NR3C2: variants seen among roughly 807,000 people sequenced by gnomAD.
NR3C2 encodes the protein mineralocorticoid receptor.
A neutral mutation model predicts 86.4 loss-of-function variants in NR3C2; 15 were observed. The observed-to-expected ratio is 0.17, with a 90% CI of 0.12 to 0.27. The LOEUF (loss-of-function observed/expected upper bound fraction) is 0.27. Ranked by LOEUF, NR3C2 falls within the 10% of genes least tolerant of loss-of-function variation. NR3C2 has a pLI of 1.00. For synonymous variants in NR3C2, 458 were observed against 450.5 expected, an observed-to-expected ratio of 1.02 and a Z score of -0.21; for missense variants, 960 against 1,195.6, an observed-to-expected ratio of 0.80 and a Z score of 2.91.
At chr4:148,281,576 C>T (rs1428236514) in intron 2 of NR3C2, among the ~76,000 whole-genome samples, 1 of 152,176 alleles carries the variant, frequency 6.6e-6, no homozygotes, top group South Asian at 2.1e-4. Context: ...CTAAGATATA[C>T]CCTGTACTTT....
chr4:148,239,136 G>C (rs1738890169), intron 3 of NR3C2, among the ~76,000 whole-genome samples: 1 of 152,224 alleles, frequency 6.6e-6, no homozygotes, highest in African/African-American at 2.4e-5. Context: ...TGATGCTGAA[G>C]TATTCTGAGG....
At chr4:148,145,611 A>G (rs1002754338) in intron 6 of NR3C2, among the ~76,000 whole-genome samples, 1 of 152,182 alleles carries the variant, frequency 6.6e-6, no homozygotes, top group African/African-American at 2.4e-5. Context: ...GCAGACCCAG[A>G]CAGATTCCCC....
At chr4:148,132,055 C>T (rs920137685) in intron 6 of NR3C2, among the ~76,000 whole-genome samples, 1 of 152,148 alleles carries the variant, frequency 6.6e-6, no homozygotes, top group African/African-American at 2.4e-5. Flanking sequence ...TTCCTTTATA[C>T]AGTAGTTTTT....
chr4:148,129,725 A>T lies in NR3C2; in HGVS notation c.2511-9437T>A, dbSNP rs867064675. On this transcript the variant is annotated intron_variant, in intron 6 of 8. Transcript: ENST00000358102. ...ATTCTTCCACCTCAGCCTCTCAAGTAGTTGGGATTACAGGCGCGTGCCACC... is the reference window on the plus strand; with the variant it reads ...ATTCTTCCACCTCAGCCTCTCAAGTTGTTGGGATTACAGGCGCGTGCCACC... Among the ~76,000 whole-genome samples, 4 of 152,122 alleles carry T rather than the reference A, an allele frequency of 2.6e-5. No homozygotes were observed. In the South Asian group the frequency reaches 6.2e-4, roughly 24 times the overall value.
chr4:148,100,465 G>T (rs1052024370), intron 8 of NR3C2, among the ~76,000 whole-genome samples: 2 of 152,176 alleles, frequency 1.3e-5, no homozygotes, highest in Non-Finnish European at 2.9e-5. Context: ...TTAGCGCCTG[G>T]AAAGGTATTC....
At chr4:148,139,702 T>C (rs1469988848) in intron 6 of NR3C2, among the ~76,000 whole-genome samples, 1 of 152,218 alleles carries the variant, frequency 6.6e-6, no homozygotes, top group Non-Finnish European at 1.5e-5. Flanking sequence ...AAGTGCACAG[T>C]GCGCTTTAAT....
intron 2 of NR3C2, among the ~76,000 whole-genome samples, chr4:148,392,307 T>G (rs750664354): frequency 2.0e-5 from 3 of 152,230 alleles, no homozygotes; most frequent in Non-Finnish European, 4.4e-5. Context: ...ATGAATGTCC[T>G]AAAATATGAA....
intron 2 of NR3C2, among the ~76,000 whole-genome samples, chr4:148,384,236 A>T (rs1747152806): frequency 6.6e-6 from 1 of 151,978 alleles, no homozygotes; most frequent in Non-Finnish European, 1.5e-5. Flanking sequence ...AGGAACTAAA[A>T]TTTTCTTCAA....
chr4:148,101,043 G>C (rs1223970685), intron 8 of NR3C2, among the ~76,000 whole-genome samples: 1 of 152,152 alleles, frequency 6.6e-6, no homozygotes, highest in Non-Finnish European at 1.5e-5. Flanking sequence ...GGGGAAGGGG[G>C]AGTTTTAGTT....
intron 2 of NR3C2, among the ~76,000 whole-genome samples, chr4:148,346,748 A>G (rs1200764713): frequency 6.6e-6 from 1 of 152,156 alleles, no homozygotes; most frequent in African/African-American, 2.4e-5. Context: ...ACCAGGCTAA[A>G]CAAATTATAG....
chr4:148,180,448 G>C (rs1355544023), intron 4 of NR3C2, among the ~76,000 whole-genome samples: 1 of 152,008 alleles, frequency 6.6e-6, no homozygotes, highest in African/African-American at 2.4e-5. Context: ...TTGGCCATCT[G>C]TGTGTCTTTA....
chr4:148,190,998 C>A (rs1283888206), intron 4 of NR3C2, among the ~76,000 whole-genome samples: 1 of 152,056 alleles, frequency 6.6e-6, no homozygotes, highest in Non-Finnish European at 1.5e-5. Flanking sequence ...ATGTGAAGTA[C>A]CGTTGCATTC....
chr4:148,261,799 G>C (rs1486930036), intron 2 of NR3C2, among the ~76,000 whole-genome samples: 1 of 152,192 alleles, frequency 6.6e-6, no homozygotes, highest in Non-Finnish European at 1.5e-5. Context: ...TTTCAAGTCT[G>C]CTAAAATGTG....
chr4:148,219,088 A>G (rs989006597), intron 3 of NR3C2, among the ~76,000 whole-genome samples: 2 of 152,286 alleles, frequency 1.3e-5, no homozygotes, highest in Non-Finnish European at 1.5e-5. Context: ...GCAATATATG[A>G]CGTGTTTTTC....
intron 2 of NR3C2, among the ~76,000 whole-genome samples, chr4:148,399,965 A>G (rs577279460): frequency 6.6e-6 from 1 of 152,346 alleles, no homozygotes; most frequent in Admixed American, 6.5e-5. Context: ...ATGAACGGTG[A>G]TTTAACAGTG....
chr4:148,279,819 G>A (rs1233850872), intron 2 of NR3C2, among the ~76,000 whole-genome samples: 3 of 151,960 alleles, frequency 2.0e-5, no homozygotes, highest in Non-Finnish European at 4.4e-5. Flanking sequence ...TCTGCCCCCC[G>A]GGTTCAAGTG....
chr4:148,201,539 C>A (rs938559983), intron 3 of NR3C2, among the ~76,000 whole-genome samples: 1 of 152,150 alleles, frequency 6.6e-6, no homozygotes, highest in East Asian at 1.9e-4. Flanking sequence ...TTGTATCTCT[C>A]TTCACAAGTA....
intron 2 of NR3C2, among the ~76,000 whole-genome samples, chr4:148,280,231 T>G (rs1264781864): frequency 6.6e-6 from 1 of 152,224 alleles, no homozygotes; most frequent in Non-Finnish European, 1.5e-5. Context: ...ATTTTCATAA[T>G]TTTTCTGAAG....
intron 3 of NR3C2, among the ~76,000 whole-genome samples, chr4:148,237,586 A>G (rs1738806477): frequency 6.6e-6 from 1 of 152,102 alleles, no homozygotes; most frequent in Admixed American, 6.5e-5. Context: ...CAATTTTATG[A>G]ACTTATTAGT....
Sources: allele counts gnomAD v4.1 joint callset (sites outside exome capture counted in the v4.1 genomes callset), GRCh38; gene constraint gnomAD v4.1.1; transcripts MANE v1.5; gene names NCBI Gene and HGNC (gene_info 2026-07-23, HGNC 2026-07-21).